Variants in WASF1 observed in about 807,000 individuals in gnomAD.
WASF1 encodes the protein WASP family member 1.
A neutral mutation model predicts 50.5 loss-of-function variants in WASF1; 7 were observed. The observed-to-expected ratio is 0.14, with a 90% confidence interval of 0.08 to 0.26. The LOEUF (loss-of-function observed/expected upper bound fraction) is 0.26, where lower values mean the gene tolerates loss of function less well. WASF1 is among the 10% of genes least tolerant of loss of function. WASF1 has a pLI of 1.00. For missense variants in WASF1, 470 were observed against 694.7 expected (o/e 0.68, Z 3.64); for synonymous variants, 205 against 244.0 (o/e 0.84, Z 1.49).
intron 6 of WASF1, among the ~76,000 whole-genome samples, chr6:110,108,308 A>G (rs1236768942): frequency 6.6e-6 from 1 of 152,130 alleles, no homozygotes; most frequent in Admixed American, 6.5e-5. Context: ...GCTTTTCTAA[A>G]CTTGTAAAAA....
At chr6:110,179,291 T>G (rs985134648) in intron 1 of WASF1, 148 bp downstream of exon 1, 1 of 151,474 alleles carries the variant, frequency 6.6e-6, no homozygotes, top group Non-Finnish European at 1.5e-5. Context: ...CGGATGGGGG[T>G]GGGGGCCGGG....
chr6:110,145,173 A>G (rs1775494330), intron 3 of WASF1, among the ~76,000 whole-genome samples: 1 of 152,134 alleles, frequency 6.6e-6, no homozygotes. Flanking sequence ...GAGGTCCTTC[A>G]CATCCCTTGC....
chr6:110,124,237 T>TTC lies in WASF1; in HGVS notation c.133+3231_133+3232insGA, dbSNP rs1562170301. On this transcript the variant is annotated intron_variant, in intron 4 of 10. Transcript: ENST00000392589. The stretch of plus-strand genomic sequence containing the variant: ...TCTCTCCTCTCTCTCCTCTCTCTCC[T>TTC]CTCTCTCTCTCTCTCTCTCTCTCTC... Among the ~76,000 whole-genome samples, 74 of 22,030 alleles carry TTC rather than the reference T, an allele frequency of 3.4e-3. 3 individuals carry two copies. The East Asian group carries it at 0.038, about 11-fold the overall frequency. The allele number at this position is 22,030 out of a possible 152,430, so 14.5% of individuals were successfully genotyped here. A position where few individuals can be genotyped will look rare whatever the true frequency, so the allele number is the denominator to read the frequency against.
intron 3 of WASF1, among the ~76,000 whole-genome samples, chr6:110,132,811 T>C (rs1273709545): frequency 6.6e-6 from 1 of 151,840 alleles, no homozygotes. Flanking sequence ...CTGGAGTTAC[T>C]TCACTTACAG....
intron 3 of WASF1, among the ~76,000 whole-genome samples, chr6:110,135,781 C>T (rs1301743361): frequency 4.8e-5 from 3 of 62,890 alleles, no homozygotes; most frequent in African/African-American, 1.9e-4. Flanking sequence ...TTTGTCATTA[C>T]TTTTTGGCCT....
chr6:110,136,456 G>C (rs1045415247), intron 3 of WASF1, among the ~76,000 whole-genome samples: 2 of 152,082 alleles, frequency 1.3e-5, no homozygotes, highest in Non-Finnish European at 1.5e-5. Context: ...TAGCTTTACT[G>C]AGTTTTGTCT....
intron 2 of WASF1, among the ~76,000 whole-genome samples, chr6:110,178,179 G>T (rs570861881): frequency 6.6e-6 from 1 of 152,176 alleles, no homozygotes; most frequent in Non-Finnish European, 1.5e-5. Context: ...GGAAGGCAAC[G>T]ATTAGTAATG....
At chr6:110,177,561 T>A (rs1039037691) in intron 2 of WASF1, among the ~76,000 whole-genome samples, 1 of 152,122 alleles carries the variant, frequency 6.6e-6, no homozygotes, top group Non-Finnish European at 1.5e-5. Context: ...AAACACACCT[T>A]TCCTGAATTT....
chr6:110,153,809 A>G (rs1775932113), intron 3 of WASF1, among the ~76,000 whole-genome samples: 1 of 152,014 alleles, frequency 6.6e-6, no homozygotes, highest in Non-Finnish European at 1.5e-5. Flanking sequence ...AAAAAAGCCA[A>G]CAATAGGAAA....
chr6:110,174,176 T>C (rs1776829410), intron 2 of WASF1, among the ~76,000 whole-genome samples: 1 of 152,128 alleles, frequency 6.6e-6, no homozygotes, highest in South Asian at 2.1e-4. Context: ...TTGAATTCTC[T>C]TCCTTTTCCA....
rs1222776540 is a variant in WASF1 at position 110,178,669 on chromosome 6, T to C, written c.-198A>G. On this transcript the variant is annotated 5_prime_UTR_variant, in exon 2 of 11. Transcript: ENST00000392589. ...GTGAATGTTGAGATCGGATGTGCTTTCTTTCATCGTTATTCCAGTTCATCA... is the reference window on the plus strand; with the variant it reads ...GTGAATGTTGAGATCGGATGTGCTTCCTTTCATCGTTATTCCAGTTCATCA... 1 of 152,686 alleles carries C rather than the reference T, an allele frequency of 6.5e-6. No individual in the cohort carries two copies. Among genetic ancestry groups the C allele is most frequent in the South Asian group, 2.1e-4 (1 of 4,832 alleles). The allele number at this position is 152,686 out of a possible 1,614,324, so 9.5% of individuals were successfully genotyped here. A position where few individuals can be genotyped will look rare whatever the true frequency, so the allele number is the denominator to read the frequency against.
At chr6:110,137,473 C>T (rs1343293667) in intron 3 of WASF1, among the ~76,000 whole-genome samples, 2 of 152,174 alleles carry the variant, frequency 1.3e-5, no homozygotes, top group African/African-American at 4.8e-5. Context: ...CTGTTGGACT[C>T]TATTTTGCGC....
Position 110,108,570 on chromosome 6 carries a change from A to T in WASF1, c.380T>A (p.Val127Asp). 1 of 1,614,058 alleles carries T rather than the reference A, an allele frequency of 6.2e-7. No individual in the cohort carries two copies. Among genetic ancestry groups the T allele is most frequent in the Non-Finnish European group, 8.5e-7 (1 of 1,179,956 alleles). ...LPIPLQETYD[V>D]CEQPPPLNIL... is the part of the protein sequence containing the mutation. ...ATTGAGAGGTGGAGGCTGTTCACAA[A>T]CATCGTACGTCTCCTGTAATGGAAT... Residue 127 changes from valine (V) to aspartate (D), a missense_variant, in exon 6 of 11, where the codon GTT becomes GAT. This residue lies in a region of WASF1 where 140 missense variants were observed against 260.5 expected (regional missense o/e 0.54). Coordinates refer to ENST00000392589, the MANE Select transcript of WASF1 (RefSeq NM_003931.3).
chr6:110,168,230 T>C (rs1235625066), intron 2 of WASF1, among the ~76,000 whole-genome samples: 4 of 152,100 alleles, frequency 2.6e-5, no homozygotes, highest in African/African-American at 9.7e-5. Flanking sequence ...CTATATGAAA[T>C]ACATATTGAA....
intron 2 of WASF1, among the ~76,000 whole-genome samples, chr6:110,161,810 C>G (rs527261505): frequency 6.6e-6 from 1 of 151,568 alleles, no homozygotes; most frequent in South Asian, 2.1e-4. Flanking sequence ...AAAGGAAGAA[C>G]CAAGGCCCAG....
At chr6:110,167,813 T>A (rs1776540440) in intron 2 of WASF1, among the ~76,000 whole-genome samples, 1 of 152,020 alleles carries the variant, frequency 6.6e-6, no homozygotes, top group Non-Finnish European at 1.5e-5. Flanking sequence ...ATCACCATCT[T>A]TCTGTAGTTT....
intron 2 of WASF1, among the ~76,000 whole-genome samples, chr6:110,173,981 A>T (rs960225343): frequency 2.0e-5 from 3 of 152,148 alleles, no homozygotes; most frequent in Non-Finnish European, 4.4e-5. Flanking sequence ...CAAAAGACAG[A>T]TCTGATCCAG....
At chr6:110,179,124 G>A (rs1050518895) in intron 1 of WASF1, among the ~76,000 whole-genome samples, 2 of 152,196 alleles carry the variant, frequency 1.3e-5, no homozygotes, top group African/African-American at 4.8e-5. Flanking sequence ...GGTGGGCAGG[G>A]AAGCCCGGGC....
intron 4 of WASF1, among the ~76,000 whole-genome samples, chr6:110,113,969 T>C (rs745566808): frequency 6.6e-6 from 1 of 152,172 alleles, no homozygotes; most frequent in Non-Finnish European, 1.5e-5. Flanking sequence ...AATGGAAAGA[T>C]ATATTAGGTT....
Sources: allele counts gnomAD v4.1 joint callset (sites outside exome capture counted in the v4.1 genomes callset), GRCh38; gene constraint gnomAD v4.1.1; regional missense constraint gnomAD v4.1.1; transcripts MANE v1.5; gene names NCBI Gene and HGNC (gene_info 2026-07-23, HGNC 2026-07-21).